Variants in SPAG16 observed in about 807,000 individuals in gnomAD.
SPAG16 encodes sperm-associated antigen 16 protein.
In SPAG16, 86 loss-of-function variants were observed where a neutral mutation model predicts 80.4. The observed-to-expected ratio is 1.07, with a 90% CI of 0.90 to 1.28. The LOEUF (loss-of-function observed/expected upper bound fraction) is 1.28, where lower values mean the gene tolerates loss of function less well. Among genes scored for constraint, SPAG16 ranks in the 50% most tolerant of loss-of-function variants. The pLI, the probability that SPAG16 is intolerant of heterozygous loss-of-function variation, is 0.00. For synonymous variants in SPAG16, 294 were observed against 265.9 expected, an observed-to-expected ratio of 1.11 and a Z score of -1.03; for missense variants, 870 against 765.3, an observed-to-expected ratio of 1.14 and a Z score of -1.61.
intron 15 of SPAG16, among the ~76,000 whole-genome samples, chr2:214,289,621 G>A (rs1693638333): frequency 6.6e-6 from 1 of 152,136 alleles, no homozygotes; most frequent in Admixed American, 6.5e-5. Flanking sequence ...TGTTTGTTTG[G>A]GTTATTATAG....
intron 15 of SPAG16, among the ~76,000 whole-genome samples, chr2:214,391,691 A>G (rs1334184861): frequency 6.6e-6 from 1 of 152,154 alleles, no homozygotes; most frequent in African/African-American, 2.4e-5. Context: ...ATGCCTAAAG[A>G]AGACGACTTC....
chr2:213,660,718 A>G (rs1286938587), intron 10 of SPAG16, among the ~76,000 whole-genome samples: 2 of 152,166 alleles, frequency 1.3e-5, no homozygotes, highest in Non-Finnish European at 2.9e-5. Flanking sequence ...CCTTGCTTCA[A>G]GCACTCCCAG....
intron 15 of SPAG16, among the ~76,000 whole-genome samples, chr2:214,155,390 T>C (rs2056169147): frequency 6.6e-6 from 1 of 152,212 alleles, no homozygotes; most frequent in African/African-American, 2.4e-5. Flanking sequence ...TATGGAGCTT[T>C]ATTGGAACAC....
chr2:214,334,302 T>C (rs989231220), intron 15 of SPAG16, among the ~76,000 whole-genome samples: 8 of 152,300 alleles, frequency 5.3e-5, no homozygotes, highest in Admixed American at 2.6e-4. Flanking sequence ...GTTCTTTGAA[T>C]CATCTGCGAA....
intron 13 of SPAG16, among the ~76,000 whole-genome samples, chr2:214,099,476 A>G (rs1365132443): frequency 6.6e-6 from 1 of 152,150 alleles, no homozygotes; most frequent in Non-Finnish European, 1.5e-5. Context: ...TAATTTTCCA[A>G]TAAGCTGAGT....
At chr2:213,881,942 C>G (rs2076360895) in intron 11 of SPAG16, among the ~76,000 whole-genome samples, 2 of 152,068 alleles carry the variant, frequency 1.3e-5, no homozygotes, top group African/African-American at 4.8e-5. Flanking sequence ...CATTTTTTGT[C>G]TATTCAGTAT....
At chr2:214,069,757 A>T (rs966839379) in intron 13 of SPAG16, among the ~76,000 whole-genome samples, 5 of 151,892 alleles carry the variant, frequency 3.3e-5, no homozygotes, top group African/African-American at 1.2e-4. Context: ...ATATCTACTC[A>T]TATATACTGA....
At chr2:213,607,076 G>A (rs2125001154) in intron 10 of SPAG16, among the ~76,000 whole-genome samples, 1 of 152,290 alleles carries the variant, frequency 6.6e-6, no homozygotes, top group South Asian at 2.1e-4. Flanking sequence ...TGAAAGAAGA[G>A]ACTAGTTGGT....
At chr2:213,603,696 T>G (rs1385530860) in intron 10 of SPAG16, among the ~76,000 whole-genome samples, 1 of 152,188 alleles carries the variant, frequency 6.6e-6, no homozygotes, top group African/African-American at 2.4e-5. Flanking sequence ...ATGGATGAGA[T>G]CTATTCATAA....
intron 10 of SPAG16, among the ~76,000 whole-genome samples, chr2:213,620,018 G>A (rs1194547507): frequency 6.6e-6 from 1 of 152,096 alleles, no homozygotes; most frequent in Non-Finnish European, 1.5e-5. Flanking sequence ...AAGGCAACAA[G>A]GATGAACCGG....
chr2:214,198,492 A>T (rs898121076), intron 15 of SPAG16, among the ~76,000 whole-genome samples: 1 of 151,924 alleles, frequency 6.6e-6, no homozygotes, highest in South Asian at 2.1e-4. Flanking sequence ...TTTGTTCATT[A>T]ATTTGTTGGT....
At chr2:214,230,086 G>A (rs1688585003) in intron 15 of SPAG16, among the ~76,000 whole-genome samples, 1 of 151,814 alleles carries the variant, frequency 6.6e-6, no homozygotes, top group Admixed American at 6.6e-5. Flanking sequence ...TTTTCAGTAT[G>A]TGAAGCAATG....
intron 9 of SPAG16, among the ~76,000 whole-genome samples, chr2:213,383,404 A>G (rs889502427): frequency 6.6e-6 from 1 of 152,158 alleles, no homozygotes; most frequent in Non-Finnish European, 1.5e-5. Context: ...AAGTGCAAAA[A>G]TAAGCTAAGG....
intron 10 of SPAG16, among the ~76,000 whole-genome samples, chr2:213,596,057 C>T (rs925385452): frequency 2.6e-5 from 4 of 152,000 alleles, no homozygotes; most frequent in African/African-American, 7.2e-5. Flanking sequence ...TATAAATTAC[C>T]AGCAGCATTT....
At chr2:214,198,338 G>A (rs1337514526) in intron 15 of SPAG16, among the ~76,000 whole-genome samples, 1 of 152,050 alleles carries the variant, frequency 6.6e-6, no homozygotes, top group Admixed American at 6.6e-5. Context: ...TTACAAGTGA[G>A]ATTATACAAA....
At chr2:214,172,350 G>T (rs1248220389) in intron 15 of SPAG16, among the ~76,000 whole-genome samples, 1 of 151,848 alleles carries the variant, frequency 6.6e-6, no homozygotes, top group African/African-American at 2.4e-5. Flanking sequence ...GCGGTGTTTG[G>T]TTTTTTGTCC....
intron 13 of SPAG16, among the ~76,000 whole-genome samples, chr2:214,021,373 G>A (rs776951677): frequency 6.6e-6 from 1 of 152,158 alleles, no homozygotes; most frequent in South Asian, 2.1e-4. Flanking sequence ...GGTGGCTGAG[G>A]AGGCCTCACA....
intron 10 of SPAG16, among the ~76,000 whole-genome samples, chr2:213,576,107 T>C (rs1242008620): frequency 6.6e-6 from 1 of 152,210 alleles, no homozygotes; most frequent in Non-Finnish European, 1.5e-5. Flanking sequence ...GCATATGATA[T>C]AATGAAGGGG....
intron 13 of SPAG16, among the ~76,000 whole-genome samples, chr2:214,072,678 C>T (rs775230961): frequency 1.3e-5 from 2 of 152,014 alleles, no homozygotes; most frequent in African/African-American, 4.8e-5. Context: ...TGAAAATAGA[C>T]ATTTAAGATA....
Sources: gnomAD v4.1 joint callset for allele counts (sites outside exome capture counted in the v4.1 genomes callset) on GRCh38, gnomAD v4.1.1 for gene constraint, MANE v1.5 for transcripts, NCBI Gene and HGNC (gene_info 2026-07-23, HGNC 2026-07-21) for gene names.